Variants in BCKDHB observed in about 807,000 individuals in gnomAD.
BCKDHB encodes the protein 2-oxoisovalerate dehydrogenase subunit beta, mitochondrial.
Under a neutral mutation model 48.5 loss-of-function variants are expected in BCKDHB, and 41 were observed. That is an observed-to-expected ratio of 0.85 (90% CI 0.66 to 1.10). The LOEUF is 1.10. Ranked by LOEUF, BCKDHB falls within the 50% of genes least tolerant of loss-of-function variation. BCKDHB has a pLI of 0.00. For missense variants in BCKDHB, 496 were observed against 494.2 expected, an observed-to-expected ratio of 1.00 and a Z score of -0.03; for synonymous variants, 201 against 174.8, an observed-to-expected ratio of 1.15 and a Z score of -1.18.
chr6:80,423,360 A>G, the BCKDHB span, among the ~76,000 whole-genome samples: 1 of 152,226 alleles, frequency 6.6e-6, no homozygotes, highest in African/African-American at 2.4e-5. Context: ...CAGTGTGAAA[A>G]CAGACTAATA....
chr6:80,396,444 T>C, the BCKDHB span, among the ~76,000 whole-genome samples: 2 of 152,198 alleles, frequency 1.3e-5, no homozygotes, highest in Non-Finnish European at 2.9e-5. Context: ...ACTTGGACTT[T>C]TGGGTTAATG....
intron 8 of BCKDHB, among the ~76,000 whole-genome samples, chr6:80,214,399 T>C (rs1225902684): frequency 1.3e-5 from 2 of 152,254 alleles, no homozygotes; most frequent in Non-Finnish European, 2.9e-5. Context: ...GAATCTCTAA[T>C]ATTTAAGTAT....
At chr6:80,159,357 CAGTT>C (rs1746500698) in intron 3 of BCKDHB, among the ~76,000 whole-genome samples, 1 of 152,074 alleles carries the variant, frequency 6.6e-6, no homozygotes, top group South Asian at 2.1e-4. Flanking sequence ...AAAAAAAAAT[CAGTT>C]AGCATCTAAC....
chr6:80,273,245 T>G, intron 9 of BCKDHB, 24 bp downstream of exon 9: 1 of 1,584,530 alleles, frequency 6.3e-7, no homozygotes, highest in Non-Finnish European at 8.7e-7. Context: ...TGGAACTGAT[T>G]TCAATGCTTG....
intron 9 of BCKDHB, among the ~76,000 whole-genome samples, chr6:80,279,228 A>G (rs752177481): frequency 5.3e-5 from 8 of 151,916 alleles, no homozygotes; most frequent in Non-Finnish European, 1.2e-4. Flanking sequence ...ATCTCGGCTC[A>G]CTGCAACCTC....
At chr6:80,275,760 A>C (rs182229245) in intron 9 of BCKDHB, among the ~76,000 whole-genome samples, 25 of 152,002 alleles carry the variant, frequency 1.6e-4, no homozygotes, top group African/African-American at 5.3e-4. Flanking sequence ...TTTCATGCAG[A>C]TATTCAACTA....
intron 9 of BCKDHB, chr6:80,307,775 C>A: frequency 1.0e-6 from 1 of 984,732 alleles, no homozygotes; most frequent in South Asian, 4.7e-5. Context: ...GCACACACTT[C>A]ATAATGGAGT....
intron 8 of BCKDHB, among the ~76,000 whole-genome samples, chr6:80,242,565 A>G (rs182849645): frequency 1.2e-3 from 182 of 151,954 alleles, no homozygotes; most frequent in Non-Finnish European, 1.9e-3. Context: ...ACACATACAC[A>G]TGTACACACA....
intron 9 of BCKDHB, among the ~76,000 whole-genome samples, chr6:80,279,782 C>A (rs1014438590): frequency 6.6e-6 from 1 of 152,060 alleles, no homozygotes; most frequent in African/African-American, 2.4e-5. Flanking sequence ...GGCATTTCAT[C>A]CAAGAATTGG....
At chr6:80,392,363 T>A in the BCKDHB span, among the ~76,000 whole-genome samples, 2 of 138,412 alleles carry the variant, frequency 1.4e-5, no homozygotes, top group African/African-American at 6.3e-5. Flanking sequence ...TAGGGCTGTA[T>A]TTTTTTTTTA....
At chr6:80,207,929 G>A (rs1020439204) in intron 8 of BCKDHB, among the ~76,000 whole-genome samples, 9 of 151,804 alleles carry the variant, frequency 5.9e-5, no homozygotes, top group African/African-American at 2.2e-4. Context: ...GAGACTTTAA[G>A]ACATCCCTCT....
At chr6:80,209,844 AG>A (rs1177651713) in intron 8 of BCKDHB, among the ~76,000 whole-genome samples, 1 of 152,048 alleles carries the variant, frequency 6.6e-6, no homozygotes, top group African/African-American at 2.4e-5. Flanking sequence ...GGTGCCAATA[AG>A]AGAGTAAACA....
At chr6:80,183,217 A>G (rs1219396132) in intron 6 of BCKDHB, among the ~76,000 whole-genome samples, 1 of 152,146 alleles carries the variant, frequency 6.6e-6, no homozygotes, top group African/African-American at 2.4e-5. Flanking sequence ...ACGAAGCCAG[A>G]TGCTGTGTGT....
the BCKDHB span, among the ~76,000 whole-genome samples, chr6:80,410,147 G>T: frequency 6.6e-6 from 1 of 152,130 alleles, no homozygotes; most frequent in Non-Finnish European, 1.5e-5. Context: ...GCCTGGTGGT[G>T]ACAAAATCTC....
intron 9 of BCKDHB, among the ~76,000 whole-genome samples, chr6:80,284,784 A>G (rs1343731795): frequency 1.3e-5 from 2 of 152,104 alleles, no homozygotes; most frequent in Admixed American, 6.6e-5. Context: ...ACAAGTCCTC[A>G]TTGTGTCCTG....
chr6:80,360,712 A>G, the BCKDHB span, among the ~76,000 whole-genome samples: 4 of 152,166 alleles, frequency 2.6e-5, no homozygotes, highest in Non-Finnish European at 1.5e-5. Context: ...TCTAGGACTT[A>G]TAAGAATTAT....
chr6:80,271,939 T>A (rs576239312), intron 8 of BCKDHB, among the ~76,000 whole-genome samples: 1 of 152,266 alleles, frequency 6.6e-6, no homozygotes, highest in African/African-American at 2.4e-5. Context: ...TTGTGGAATA[T>A]TTTTGTCTTT....
intron 8 of BCKDHB, among the ~76,000 whole-genome samples, chr6:80,209,066 C>G (rs1182571865): frequency 1.3e-5 from 2 of 151,756 alleles, no homozygotes; most frequent in African/African-American, 4.8e-5. Context: ...GAAGAAAAAC[C>G]TGACTACCTT....
intron 9 of BCKDHB, among the ~76,000 whole-genome samples, chr6:80,314,878 T>C (rs1445305015): frequency 6.6e-6 from 1 of 152,154 alleles, no homozygotes; most frequent in African/African-American, 2.4e-5. Context: ...CTGGCCACAT[T>C]CTGGCAAAGC....
Sources: gnomAD v4.1 joint callset for allele counts (sites outside exome capture counted in the v4.1 genomes callset) on GRCh38, gnomAD v4.1.1 for gene constraint, MANE v1.5 for transcripts, NCBI Gene and HGNC (gene_info 2026-07-23, HGNC 2026-07-21) for gene names.